Variants in GNB4 observed in about 807,000 individuals in gnomAD.
GNB4 encodes the protein G protein subunit beta 4.
GNB4 carries 28 observed loss-of-function variants against 45.2 expected under a neutral mutation model. The ratio of observed to expected loss-of-function variants is 0.62; its 90% CI spans 0.46 to 0.85. The LOEUF (loss-of-function observed/expected upper bound fraction) is 0.85. Ranked by LOEUF, GNB4 falls within the 40% of genes least tolerant of loss-of-function variation. The pLI, the probability that GNB4 is intolerant of heterozygous loss-of-function variation, is 0.00. For missense variants in GNB4, 321 were observed against 425.4 expected (o/e 0.75, Z 2.16); for synonymous variants, 132 against 143.7 (o/e 0.92, Z 0.58).
intron 1 of GNB4, among the ~76,000 whole-genome samples, chr3:179,448,085 T>C (rs1324058080): frequency 1.3e-5 from 2 of 152,220 alleles, no homozygotes; most frequent in Admixed American, 6.5e-5. Flanking sequence ...GGAGGGATAA[T>C]GTGTCTCTGA....
At chr3:179,461,842 A>G in the GNB4 span, among the ~76,000 whole-genome samples, 1 of 152,236 alleles carries the variant, frequency 6.6e-6, no homozygotes, top group Non-Finnish European at 1.5e-5. Context: ...TCTTAAACAT[A>G]GAACACAAGG....
chr3:179,472,032 T>G, the GNB4 span, among the ~76,000 whole-genome samples: 1 of 152,130 alleles, frequency 6.6e-6, no homozygotes, highest in Admixed American at 6.6e-5. Context: ...TAAATTATGA[T>G]ATAGCCACAT....
chr3:179,453,147 GTTT>G (rs201810726), upstream of GNB4, among the ~76,000 whole-genome samples: 1 of 151,962 alleles, frequency 6.6e-6, no homozygotes, highest in Non-Finnish European at 1.5e-5. Flanking sequence ...TTTTTTGTTT[GTTT>G]TTTTGTTTTG....
At chr3:179,409,023 G>A (rs760479400) in intron 8 of GNB4, among the ~76,000 whole-genome samples, 2 of 149,654 alleles carry the variant, frequency 1.3e-5, no homozygotes, top group Non-Finnish European at 3.0e-5. Context: ...AGGCATGGTG[G>A]CACGCACCTG....
intron 5 of GNB4, 58 bp downstream of exon 5, chr3:179,416,435 A>G: frequency 1.0e-6 from 1 of 986,670 alleles, no homozygotes; most frequent in Non-Finnish European, 1.6e-6. Context: ...AAAGGAAAGA[A>G]CTGGTGAACA....
chr3:179,440,562 A>G (rs1216830356), intron 1 of GNB4, among the ~76,000 whole-genome samples: 1 of 152,184 alleles, frequency 6.6e-6, no homozygotes, highest in African/African-American at 2.4e-5. Context: ...AACAAGGCAC[A>G]ATGTCATCAG....
chr3:179,492,366 A>G, the GNB4 span, among the ~76,000 whole-genome samples: 2 of 152,130 alleles, frequency 1.3e-5, no homozygotes, highest in African/African-American at 4.8e-5. Context: ...TACACCACCC[A>G]TGAGGCTGGA....
intron 1 of GNB4, among the ~76,000 whole-genome samples, chr3:179,433,122 G>A (rs1715351712): frequency 6.6e-6 from 1 of 151,720 alleles, no homozygotes; most frequent in Non-Finnish European, 1.5e-5. Context: ...ATAAAAACAC[G>A]AAGTGATTAC....
Position 179,400,445 on chromosome 3 carries a change from T to G in GNB4, c.*768A>C, listed in dbSNP as rs1714259215. On this transcript the variant is annotated 3_prime_UTR_variant, in exon 10 of 10. Coordinates refer to ENST00000232564, the MANE Select transcript of GNB4 (RefSeq NM_021629.4). Reference sequence around the variant, plus strand: ...AAAGTCCAGCTATTTAGGGGGGTACTCAAAGTGTCAACTGATCATAACCAG... The same window carrying G: ...AAAGTCCAGCTATTTAGGGGGGTACGCAAAGTGTCAACTGATCATAACCAG... The G allele has an allele frequency of 6.6e-6, 1 of 152,234 alleles. No individual in the cohort carries two copies. Among genetic ancestry groups the G allele is most frequent in the Non-Finnish European group, 1.5e-5 (1 of 68,042 alleles). 9.4% of individuals were successfully genotyped at this position (152,234 alleles called of 1,614,324 possible). A position where few individuals can be genotyped will look rare whatever the true frequency, so the allele number is the denominator to read the frequency against.
At chr3:179,500,208 G>C in the GNB4 span, among the ~76,000 whole-genome samples, 12 of 152,160 alleles carry the variant, frequency 7.9e-5, no homozygotes, top group African/African-American at 2.9e-4. Flanking sequence ...GGGTTTTTAT[G>C]TTTTTAGGTC....
chr3:179,486,650 T>C, the GNB4 span, among the ~76,000 whole-genome samples: 469 of 152,326 alleles, frequency 3.1e-3, 2 homozygotes, highest in African/African-American at 0.01. Context: ...GTTTCACTGA[T>C]GTGACAGAGT....
intron 6 of GNB4, 79 bp from the exon 7 acceptor site, chr3:179,413,860 T>C (rs1006370591): frequency 4.8e-6 from 5 of 1,034,344 alleles, no homozygotes; most frequent in Non-Finnish European, 7.3e-6. Flanking sequence ...CAATATATAT[T>C]TTTAAAAATA....
chr3:179,481,635 G>A, the GNB4 span, among the ~76,000 whole-genome samples: 1 of 152,146 alleles, frequency 6.6e-6, no homozygotes, highest in African/African-American at 2.4e-5. Flanking sequence ...CCACTGTGCT[G>A]AGCCCCAAAC....
chr3:179,464,991 A>G, the GNB4 span: 12 of 1,531,998 alleles, frequency 7.8e-6, no homozygotes, highest in African/African-American at 5.5e-5. Context: ...CTGCACACAG[A>G]TGGGGTGCAT....
chr3:179,474,130 A>G, the GNB4 span, among the ~76,000 whole-genome samples: 1 of 152,206 alleles, frequency 6.6e-6, no homozygotes, highest in African/African-American at 2.4e-5. Flanking sequence ...TTCAAGGCTT[A>G]GTGAGCTATG....
In GNB4 at chr3:179,401,187, A is replaced by C. The variant is rs761323779; in HGVS notation, c.*26T>G. 1 of 1,487,980 alleles carries C rather than the reference A, an allele frequency of 6.7e-7. No individual in the cohort carries two copies. The highest frequency in any genetic ancestry group is 9.4e-7 in the Non-Finnish European group (1 of 1,068,776). The allele number at this position is 1,487,980 out of a possible 1,614,324, so 92.2% of individuals were successfully genotyped here. A position where few individuals can be genotyped will look rare whatever the true frequency, so the allele number is the denominator to read the frequency against. ...AGCATTGATTTCTCCAGATATATCA[A>C]TGGAGAACAAATATGTATGACACTG... On this transcript the variant is annotated 3_prime_UTR_variant, in exon 10 of 10. Transcript: ENST00000232564.
chr3:179,418,470 C>CAAAAAAAAAAAAAA (rs386356535), intron 4 of GNB4, among the ~76,000 whole-genome samples: 44 of 95,348 alleles, frequency 4.6e-4, no homozygotes, highest in South Asian at 1.1e-3. Flanking sequence ...AACTCTGTCT[C>CAAAAAAAAAAAAAA]AAAAAAAAAA....
At chr3:179,461,163 C>T in the GNB4 span, among the ~76,000 whole-genome samples, 1 of 152,134 alleles carries the variant, frequency 6.6e-6, no homozygotes, top group Non-Finnish European at 1.5e-5. Flanking sequence ...GGCTTCTTGC[C>T]ACCTTAGCGA....
chr3:179,474,629 A>G, the GNB4 span, among the ~76,000 whole-genome samples: 1 of 152,030 alleles, frequency 6.6e-6, no homozygotes, highest in Admixed American at 6.6e-5. Flanking sequence ...CTGAAGTAGC[A>G]AGAGTCTACA....
Sources: allele counts gnomAD v4.1 joint callset (sites outside exome capture counted in the v4.1 genomes callset), GRCh38; gene constraint gnomAD v4.1.1; transcripts MANE v1.5; gene names NCBI Gene and HGNC (gene_info 2026-07-23, HGNC 2026-07-21).